Variants in GABRE observed in about 807,000 individuals in gnomAD.
GABRE encodes the protein gamma-aminobutyric acid receptor subunit epsilon.
GABRE carries 20 observed loss-of-function variants against 31.0 expected under a neutral mutation model. The ratio of observed to expected loss-of-function variants is 0.64; its 90% CI spans 0.45 to 0.94. The LOEUF (loss-of-function observed/expected upper bound fraction) is 0.94, where lower values mean the gene tolerates loss of function less well. Ranked by LOEUF, GABRE falls within the 40% of genes least tolerant of loss-of-function variation. The probability of loss-of-function intolerance (pLI) is 0.00; values close to 1 mark genes in which losing one functional copy is unlikely to be tolerated. For missense variants in GABRE, 420 were observed against 410.7 expected (o/e 1.02, Z -0.20); for synonymous variants, 155 against 150.6 (o/e 1.03, Z -0.21).
rs1313744017 is a variant in GABRE, at chrX:151,955,842, G to A, written c.803C>T (p.Thr268Met). ...TTPVGDFMVM[T>M]IFFNVSRRFG... The stretch of plus-strand genomic sequence containing the variant: ...CCGCCTGCTCACATTGAAGAAAATC[G>A]TCATGACCATGAAGTCACCTGAAAG... Residue 268 changes from threonine (T) to methionine (M), a missense_variant, in exon 7 of 9, where the codon ACG (threonine) becomes ATG (methionine). By Grantham distance (81) the Thr-to-Met change is moderately conservative. Transcript: ENST00000370328. 5 of 1,210,250 alleles carry A rather than the reference G, an allele frequency of 4.1e-6. No individual in the cohort carries two copies. Among genetic ancestry groups the A allele is most frequent in the East Asian group, 3.0e-5 (1 of 33,774 alleles).
intron 1 of GABRE, among the ~76,000 whole-genome samples, chrX:151,972,824 C>T (rs771830916): frequency 9.0e-6 from 1 of 110,814 alleles, no homozygotes; most frequent in East Asian, 2.8e-4. Context: ...AGCCATTAAG[C>T]TCACTTTCGG....
intron 1 of GABRE, among the ~76,000 whole-genome samples, chrX:151,973,607 G>A (rs1225392098): frequency 1.8e-5 from 2 of 111,143 alleles, no homozygotes; most frequent in Admixed American, 9.6e-5. Context: ...AAGCTCCACA[G>A]ATCAGGAAGC....
chrX:151,971,356 C>T, intron 1 of GABRE: 1 of 295,867 alleles, frequency 3.4e-6, no homozygotes, highest in Non-Finnish European at 6.5e-6. Flanking sequence ...TCAAAATGCC[C>T]CACTTGCTAA....
At chrX:151,969,921 GAC>G (rs1934637088) in intron 2 of GABRE, 185 bp from the exon 3 acceptor site, 1 of 1,071,117 alleles carries the variant, frequency 9.3e-7, no homozygotes, top group African/African-American at 1.9e-5. Context: ...TTAAGAATTG[GAC>G]ACACATCTTG....
rs1014808747 is a variant in GABRE, at chrX:151,971,497, G to A, written c.57-1095C>T. 2.0e-5 allele frequency: 3 copies of A among 151,907 alleles called. No homozygotes were observed. In the East Asian group the frequency reaches 5.7e-4, roughly 29 times the overall value. The allele number at this position is 151,907 out of a possible 1,213,427, so 12.5% of individuals were successfully genotyped here. A position where few individuals can be genotyped will look rare whatever the true frequency, so the allele number is the denominator to read the frequency against. ...AATAAATTATTCTTTAATTTTTGGT[G>A]TAATTATGGTATTTTCTTATGTTTG... On this transcript the variant is annotated intron_variant, in intron 1 of 8. Transcript: ENST00000370328.
At position 151,955,862 on chromosome X, in the gene GABRE, T is replaced by G. The variant is rs1032091891; in HGVS notation, c.785-2A>C. 2 of 1,211,222 alleles carry G rather than the reference T, an allele frequency of 1.7e-6. No individual in the cohort carries two copies. Among genetic ancestry groups the G allele is most frequent in the Non-Finnish European group, 2.2e-6 (2 of 895,037 alleles). ...AAATCGTCATGACCATGAAGTCACC[T>G]GAAAGACACAAAAAACATCACTGCA... On this transcript the variant is annotated splice_acceptor_variant, in intron 6 of 8. Transcript: ENST00000370328. LOFTEE classifies it high-confidence loss of function.
At chrX:151,969,790 G>C in intron 2 of GABRE, 54 bp from the exon 3 acceptor site, 12 of 1,192,985 alleles carry the variant, frequency 1.0e-5, no homozygotes, top group Non-Finnish European at 1.2e-5. Flanking sequence ...CGCATGGGAC[G>C]GGGGAGGAAG....
Position 151,955,923 on chromosome X carries a change from C to T in GABRE, c.785-63G>A. On this transcript the variant is annotated intron_variant, in intron 6 of 8. Transcript: ENST00000370328. ...GACACGACGGTCCCCCTTAGCAGGA[C>T]GTGAACAGTAAGGGTCTCATTTTTC... 8.2e-6 allele frequency: 9 copies of T among 1,097,137 alleles called. No homozygotes were observed. In the South Asian group the frequency reaches 1.2e-4, roughly 14 times the overall value. 90.4% of individuals were successfully genotyped at this position (1,097,137 alleles called of 1,213,427 possible). A position where few individuals can be genotyped will look rare whatever the true frequency, so the allele number is the denominator to read the frequency against.
chrX:151,962,441 T>G lies in GABRE; in HGVS notation c.545A>C (p.Lys182Thr). ...NQMVRIYKDGKVLYTIRMTID... is the reference protein window; with the variant it reads ...NQMVRIYKDGTVLYTIRMTID... ...GACATACCTAATTGTGTACAACACC[T>G]TGCCATCCTTGTAGATGCGGACCAT... The change falls in exon 4 of 9, where the codon AAG (lysine) becomes ACG (threonine). Residue 182 changes from lysine (K) to threonine (T), a missense_variant. By Grantham distance (78) the Lys-to-Thr change is moderately conservative (BLOSUM62 -1). Coordinates refer to ENST00000370328, the MANE Select transcript of GABRE (RefSeq NM_004961.4). The G allele has an allele frequency of 8.3e-7, 1 of 1,209,502 alleles. No homozygotes were observed. The highest frequency in any genetic ancestry group is 1.1e-6 in the Non-Finnish European group (1 of 894,075).
At chrX:151,971,213 TCA>T (rs1874003198) in intron 1 of GABRE, 4 of 503,887 alleles carry the variant, frequency 7.9e-6, no homozygotes, top group Admixed American at 6.4e-5. Flanking sequence ...GAGGTCCTGC[TCA>T]CATTCGGGTC....
intron 1 of GABRE, among the ~76,000 whole-genome samples, chrX:151,970,775 G>C (rs1184986306): frequency 1.8e-5 from 2 of 112,608 alleles, no homozygotes; most frequent in Non-Finnish European, 1.9e-5. Flanking sequence ...CCAACCAGGA[G>C]TGAGGAGCAG....
At chrX:151,959,475 G>T in intron 6 of GABRE, 1 of 330,531 alleles carries the variant, frequency 3.0e-6, no homozygotes, top group East Asian at 7.8e-5. Context: ...ATTGGTTCTG[G>T]GTATGGAGAA....
chrX:151,971,129 A>G (rs1305457314), intron 1 of GABRE: 1 of 846,042 alleles, frequency 1.2e-6, no homozygotes, highest in Non-Finnish European at 1.4e-6. Flanking sequence ...CTGCCAAGGT[A>G]TGAAACTCAC....
intron 6 of GABRE, chrX:151,956,387 G>C (rs1934169836): frequency 8.5e-6 from 1 of 117,764 alleles, no homozygotes; most frequent in Non-Finnish European, 1.8e-5. Flanking sequence ...TCGTGAGTGA[G>C]CACTGCTCCA....
chrX:151,957,640 C>G (rs555881746), intron 6 of GABRE: 2 of 235,825 alleles, frequency 8.5e-6, no homozygotes, highest in African/African-American at 5.8e-5. Flanking sequence ...CTTCTCCGCT[C>G]GTCAAGAGAT....
chrX:151,973,693 C>T (rs1243948028), intron 1 of GABRE, among the ~76,000 whole-genome samples: 1 of 111,644 alleles, frequency 9.0e-6, no homozygotes, highest in African/African-American at 3.3e-5. Context: ...AGTCATCTTC[C>T]ACCCCAAAAA....
At chrX:151,957,662 T>C (rs1042749551) in intron 6 of GABRE, 2 of 239,080 alleles carry the variant, frequency 8.4e-6, no homozygotes. Flanking sequence ...CCAATTTGTC[T>C]TGAAGGACAA....
intron 4 of GABRE, among the ~76,000 whole-genome samples, chrX:151,962,024 G>C (rs753698584): frequency 1.8e-5 from 2 of 111,203 alleles, no homozygotes; most frequent in South Asian, 7.8e-4. Flanking sequence ...TATCCAACTT[G>C]ATCTTAGGTA....
intron 3 of GABRE, 153 bp downstream of exon 3, chrX:151,969,516 C>G: frequency 4.2e-6 from 2 of 476,230 alleles, no homozygotes; most frequent in Non-Finnish European, 6.4e-6. Flanking sequence ...CAGTCTCATT[C>G]TCAAACCAGT....
Sources: gnomAD v4.1 joint callset for allele counts (sites outside exome capture counted in the v4.1 genomes callset) on GRCh38, gnomAD v4.1.1 for gene constraint, MANE v1.5 for transcripts, NCBI Gene and HGNC (gene_info 2026-07-23, HGNC 2026-07-21) for gene names.